Variants in POLA1 observed in about 807,000 individuals in gnomAD.
POLA1 encodes DNA polymerase alpha 1, catalytic subunit.
Under a neutral mutation model 124.0 loss-of-function variants are expected in POLA1, and 15 were observed. The observed-to-expected ratio is 0.12, with a 90% CI of 0.08 to 0.19. The LOEUF is 0.19. POLA1 is among the 10% of genes least tolerant of loss of function. The pLI, the probability that POLA1 is intolerant of heterozygous loss-of-function variation, is 1.00. For missense variants in POLA1, 886 were observed against 1,103.4 expected, an observed-to-expected ratio of 0.80 and a Z score of 2.79; for synonymous variants, 408 against 389.4, an observed-to-expected ratio of 1.05 and a Z score of -0.56.
At chrX:24,975,144 T>C (rs2147280297) in intron 36 of POLA1, among the ~76,000 whole-genome samples, 1 of 112,110 alleles carries the variant, frequency 8.9e-6, no homozygotes, top group East Asian at 2.8e-4. Flanking sequence ...CCCAAGTAGC[T>C]GGAACTACAG....
intron 24 of POLA1, among the ~76,000 whole-genome samples, chrX:24,747,345 A>T (rs963439204): frequency 9.2e-6 from 1 of 109,215 alleles, no homozygotes; most frequent in African/African-American, 3.3e-5. Flanking sequence ...TTGTATTTTT[A>T]GTAGAGATGG....
chrX:24,904,966 G>A (rs779430279), intron 35 of POLA1, among the ~76,000 whole-genome samples: 4 of 106,344 alleles, frequency 3.8e-5, no homozygotes, highest in Non-Finnish European at 5.8e-5. Flanking sequence ...AGAGGTTGCA[G>A]TGAGCCGAGA....
At chrX:24,884,281 T>G (rs1358449939) in intron 34 of POLA1, among the ~76,000 whole-genome samples, 1 of 111,124 alleles carries the variant, frequency 9.0e-6, no homozygotes, top group Non-Finnish European at 1.9e-5. Context: ...CCCGAGTAAC[T>G]GTGACCGTAG....
chrX:24,905,235 T>C (rs2047347278), intron 35 of POLA1, among the ~76,000 whole-genome samples: 1 of 109,472 alleles, frequency 9.1e-6, no homozygotes, highest in Non-Finnish European at 1.9e-5. Flanking sequence ...GAAAGTGGAT[T>C]GGAGCTCACA....
intron 32 of POLA1, among the ~76,000 whole-genome samples, chrX:24,832,701 A>T (rs776987668): frequency 8.9e-6 from 1 of 112,244 alleles, no homozygotes; most frequent in Admixed American, 9.4e-5. Flanking sequence ...GGGTAAGGAT[A>T]AAAAAAGCTG....
At chrX:24,798,400 C>T (rs944604148) in intron 26 of POLA1, among the ~76,000 whole-genome samples, 3 of 111,163 alleles carry the variant, frequency 2.7e-5, no homozygotes, top group African/African-American at 9.8e-5. Context: ...ACCAGCCCCT[C>T]CTCCTCCTCA....
chrX:24,732,599 G>GTTTTT (rs5901763), intron 16 of POLA1, 145 bp downstream of exon 16: 1 of 210,923 alleles, frequency 4.7e-6, no homozygotes. Context: ...GTTTTTTTTT[G>GTTTTT]TTTTTTTTTT....
chrX:24,800,645 G>A (rs1232295633), intron 26 of POLA1, among the ~76,000 whole-genome samples: 1 of 111,816 alleles, frequency 8.9e-6, no homozygotes, highest in Non-Finnish European at 1.9e-5. Flanking sequence ...ACTGGAGGTT[G>A]GAGTGGAAGA....
At chrX:24,831,690 C>T (rs763759439) in intron 32 of POLA1, among the ~76,000 whole-genome samples, 1 of 111,914 alleles carries the variant, frequency 8.9e-6, no homozygotes, top group Non-Finnish European at 1.9e-5. Context: ...CAGAGTGCTG[C>T]GATTATAGGC....
intron 36 of POLA1, among the ~76,000 whole-genome samples, chrX:24,976,772 C>G (rs974579133): frequency 8.9e-6 from 1 of 112,265 alleles, no homozygotes; most frequent in Non-Finnish European, 1.9e-5. Flanking sequence ...ATTTCCCAGT[C>G]TTCAAACACA....
At chrX:24,838,616 T>A (rs762300863) in intron 32 of POLA1, among the ~76,000 whole-genome samples, 9 of 112,713 alleles carry the variant, frequency 8.0e-5, no homozygotes, top group Non-Finnish European at 1.5e-4. Context: ...GGATTCAGTT[T>A]TGCATTTCTT....
At chrX:24,795,514 G>T (rs2045590112) in intron 26 of POLA1, among the ~76,000 whole-genome samples, 2 of 111,406 alleles carry the variant, frequency 1.8e-5, no homozygotes, top group Non-Finnish European at 3.8e-5. Flanking sequence ...TGGCTCTTTT[G>T]CAGCTGACAG....
In POLA1 at chrX:24,780,507, G is replaced by A. The variant is rs774301503; in HGVS notation, c.2965-29391G>A. 4.4e-5 allele frequency among the ~76,000 whole-genome samples: 5 copies of A among 112,403 alleles called. No homozygotes were observed. In the South Asian group the frequency reaches 1.8e-3, roughly 41 times the overall value. ...TTGAGGGTTTTTTAAAACCAGTAAT[G>A]AGTGTTGGATTTTTTCAAATGCCTT... On this transcript the variant is annotated intron_variant, in intron 26 of 36. Coordinates refer to ENST00000379068, the MANE Select transcript of POLA1 (RefSeq NM_001330360.2).
At chrX:24,871,130 C>G (rs974175693) in intron 34 of POLA1, among the ~76,000 whole-genome samples, 1 of 112,196 alleles carries the variant, frequency 8.9e-6, no homozygotes, top group Admixed American at 9.5e-5. Context: ...TTGTAGCACT[C>G]TGCCTCAACC....
intron 34 of POLA1, among the ~76,000 whole-genome samples, chrX:24,858,911 C>T (rs754016432): frequency 9.0e-6 from 1 of 111,721 alleles, no homozygotes; most frequent in Admixed American, 9.5e-5. Context: ...GTATTTTGCA[C>T]AGTACCTTGC....
At chrX:24,743,466 C>T (rs1373040525) in intron 23 of POLA1, 137 bp downstream of exon 23, 2 of 340,140 alleles carry the variant, frequency 5.9e-6, no homozygotes, top group Middle Eastern at 4.8e-4. Flanking sequence ...CTTTCGTTCA[C>T]GTGAAAATCT....
chrX:24,954,793 A>G (rs1343834444), intron 36 of POLA1, among the ~76,000 whole-genome samples: 1 of 111,918 alleles, frequency 8.9e-6, no homozygotes, highest in African/African-American at 3.3e-5. Flanking sequence ...AAATCGAGAA[A>G]GTGCCAGTAC....
At chrX:24,742,491 A>G (rs1384888822) in intron 22 of POLA1, among the ~76,000 whole-genome samples, 3 of 111,721 alleles carry the variant, frequency 2.7e-5, no homozygotes, top group Non-Finnish European at 5.7e-5. Context: ...TTTGTGTTGC[A>G]TTTTTCTGTA....
At chrX:24,833,268 T>C (rs2046294187) in intron 32 of POLA1, among the ~76,000 whole-genome samples, 1 of 111,839 alleles carries the variant, frequency 8.9e-6, no homozygotes, top group South Asian at 3.7e-4. Context: ...TTCCATGGTG[T>C]ATATATATGC....
Sources: allele counts gnomAD v4.1 joint callset (sites outside exome capture counted in the v4.1 genomes callset), GRCh38; gene constraint gnomAD v4.1.1; transcripts MANE v1.5; gene names NCBI Gene and HGNC (gene_info 2026-07-23, HGNC 2026-07-21).